Variants in C4BPB observed in about 807,000 individuals in gnomAD.
C4BPB encodes the protein complement component 4 binding protein beta, also known as C4b-binding protein beta chain.
Under a neutral mutation model 26.6 loss-of-function variants are expected in C4BPB, and 19 were observed. The observed-to-expected ratio is 0.71, with a 90% CI of 0.50 to 1.05. The LOEUF is 1.05. Ranked by LOEUF, C4BPB falls within the 50% of genes least tolerant of loss-of-function variation. The pLI is 0.00. For synonymous variants in C4BPB, 118 were observed against 103.5 expected (o/e 1.14, Z -0.85); for missense variants, 282 against 302.9 (o/e 0.93, Z 0.51).
intron 4 of C4BPB, 76 bp from the exon 5 acceptor site, chr1:207,096,446 C>T: frequency 1.2e-6 from 1 of 869,026 alleles, no homozygotes; most frequent in East Asian, 2.4e-5. Context: ...CTGGCATAAA[C>T]AGCTGCAATT....
intron 4 of C4BPB, among the ~76,000 whole-genome samples, chr1:207,092,348 G>A (rs1323670609): frequency 1.3e-5 from 2 of 151,986 alleles, no homozygotes; most frequent in Admixed American, 1.3e-4. Context: ...AGCATTAAAT[G>A]CCATTTTGTG....
At chr1:207,095,422 C>T in intron 4 of C4BPB, 2 of 456,552 alleles carry the variant, frequency 4.4e-6, no homozygotes, top group South Asian at 1.5e-5. Context: ...CCTCCACCTC[C>T]CAGGTTCAAG....
At chr1:207,096,498 G>A in intron 4 of C4BPB, 24 bp from the exon 5 acceptor site, 1 of 1,434,748 alleles carries the variant, frequency 7.0e-7, no homozygotes, top group Non-Finnish European at 9.8e-7. Context: ...TCATAACTAT[G>A]ACTTCTATAC....
At chr1:207,095,170 A>C (rs1317730041) in intron 4 of C4BPB, 2 of 401,196 alleles carry the variant, frequency 5.0e-6, no homozygotes, top group Admixed American at 5.8e-5. Context: ...TAACCTGCTT[A>C]TCTGATAATA....
chr1:207,090,318 T>C lies in C4BPB; in HGVS notation c.69T>C (p.Cys23=), dbSNP rs1269243636. Residue 23 remains cysteine (C), a synonymous_variant, in exon 3 of 7, where the codon TGT becomes TGC. Coordinates refer to ENST00000367078, the MANE Select transcript of C4BPB (RefSeq NM_001017365.3). ...WRVSASDAEH[C]PELPPVDNSI... is the part of the protein sequence containing the mutation. The stretch of plus-strand genomic sequence containing the variant: ...TCTTTTTTCTTCCAGCAGAGCACTG[T>C]CCAGAGCTTCCTCCAGTGGACAATA... The C allele has an allele frequency of 1.2e-6, 2 of 1,612,606 alleles. No homozygotes were observed. Among genetic ancestry groups the C allele is most frequent in the Admixed American group, 1.7e-5 (1 of 59,846 alleles).
rs771573856 is a variant in C4BPB at position 207,090,478 on chromosome 1, C to T, written c.229C>T (p.Arg77Cys). 12 of 1,605,010 alleles carry T rather than the reference C, an allele frequency of 7.5e-6. No homozygotes were observed. Among genetic ancestry groups the T allele is most frequent in the South Asian group, 5.6e-5 (5 of 89,764 alleles). Residue 77 changes from arginine to cysteine, a missense_variant, in exon 3 of 7, where the codon CGC (arginine) becomes TGC (cysteine). Physicochemically the swap from Arg to Cys is radical, Grantham distance 180. Coordinates refer to ENST00000367078, the MANE Select transcript of C4BPB (RefSeq NM_001017365.3). ...GTGGGATAACACCACTACTGAGTGCCGCTGTAAGTTAGATCTTTCTGTATC... is the reference window on the plus strand; with the variant it reads ...GTGGGATAACACCACTACTGAGTGCTGCTGTAAGTTAGATCTTTCTGTATC... ...KEWDNTTTEC[R>C]LGHCPDPVLV...
At chr1:207,090,822 C>T (rs73077096) in intron 3 of C4BPB, among the ~76,000 whole-genome samples, 42 of 152,110 alleles carry the variant, frequency 2.8e-4, no homozygotes, top group Admixed American at 1.2e-3. Flanking sequence ...TGTATACAAA[C>T]GACAGAAGAG....
chr1:207,095,219 C>T, intron 4 of C4BPB: 1 of 449,674 alleles, frequency 2.2e-6, no homozygotes, highest in Admixed American at 2.4e-5. Flanking sequence ...GGCTTTAGTG[C>T]TACATAGCTA....
rs1558081583 is a variant in C4BPB at position 207,099,875 on chromosome 1, G to T, written c.705G>T (p.Glu235Asp). The T allele has an allele frequency of 6.2e-7, 1 of 1,613,940 alleles. No individual in the cohort carries two copies. ...QLKESGMTME[E>D]LKYSLELKKA... is the part of the protein sequence containing the mutation. ...AGGAAAGTGGCATGACAATGGAGGA[G>T]CTAAAATATTCTCTGGAGCTGAAGA... Residue 235 changes from glutamate to aspartate, a missense_variant, in exon 7 of 7, where the codon GAG (glutamate) becomes GAT (aspartate). Coordinates refer to ENST00000367078, the MANE Select transcript of C4BPB (RefSeq NM_001017365.3).
chr1:207,091,940 C>G (rs1481840873), intron 4 of C4BPB, 120 bp downstream of exon 4: 13 of 810,212 alleles, frequency 1.6e-5, no homozygotes, highest in Non-Finnish European at 2.4e-5. Flanking sequence ...GGCTTAAGAT[C>G]TAGCAGACAG....
intron 4 of C4BPB, chr1:207,095,687 C>T (rs1458049126): frequency 3.0e-6 from 1 of 335,812 alleles, no homozygotes; most frequent in Non-Finnish European, 5.8e-6. Context: ...CTGCTCAAAT[C>T]TCATATTGAA....
chr1:207,099,645 C>A, intron 6 of C4BPB, 144 bp from the exon 7 acceptor site: 1 of 543,194 alleles, frequency 1.8e-6, no homozygotes, highest in Non-Finnish European at 3.3e-6. Flanking sequence ...AAATGATTTG[C>A]CATGTTGAAA....
chr1:207,095,666 G>T (rs936269574), intron 4 of C4BPB: 27 of 341,606 alleles, frequency 7.9e-5, no homozygotes, highest in South Asian at 5.6e-4. Context: ...ATATAGTTTG[G>T]ATGTGTGTTC....
At position 207,096,574 on chromosome 1, in the gene C4BPB, C is replaced by T. The variant is rs8942; in HGVS notation, c.462C>T (p.Asn154=). Reference sequence around the variant, plus strand: ...TTCATGGCTATTTTGAAGGAAATAACTTCACCTTAGGATCCACCATTAGTT... The same window carrying T: ...TTCATGGCTATTTTGAAGGAAATAATTTCACCTTAGGATCCACCATTAGTT... ...NPVHGYFEGN[N]FTLGSTISYY... The change falls in exon 5 of 7, where the codon AAC becomes AAT. Residue 154 remains asparagine, a synonymous_variant. Coordinates refer to ENST00000367078, the MANE Select transcript of C4BPB (RefSeq NM_001017365.3). The T allele has an allele frequency of 0.21, 330,099 of 1,600,706 alleles. 49,889 individuals are homozygous for T. Among genetic ancestry groups the T allele is most frequent in the African/African-American group, 0.79 (58,938 of 74,202 alleles).
Position 207,096,944 on chromosome 1 carries a change from G to A in C4BPB, c.503+329G>A, listed in dbSNP as rs189055332. Among the ~76,000 whole-genome samples the A allele has an allele frequency of 5.2e-3, 797 of 152,308 alleles. 7 individuals carry two copies. The highest frequency in any genetic ancestry group is 0.018 in the African/African-American group (765 of 41,568). On this transcript the variant is annotated intron_variant, in intron 5 of 6. Coordinates refer to ENST00000367078, the MANE Select transcript of C4BPB (RefSeq NM_001017365.3). ...CCCAGCACTTTGGGATGCTAAGGCAGGCGGTTTGCTTGAGGCCAGGAGATC... is the reference window on the plus strand; with the variant it reads ...CCCAGCACTTTGGGATGCTAAGGCAAGCGGTTTGCTTGAGGCCAGGAGATC...
In C4BPB at chr1:207,098,591, G is replaced by A. The variant is rs535917502; in HGVS notation, c.618+327G>A. ...TATCATGGAAGATGACTTTTCCACG[G>A]ATGGGGGTGGGGAGAGTGGGGATGG... is the stretch of plus-strand genomic sequence containing the variant. On this transcript the variant is annotated intron_variant, in intron 6 of 6. Coordinates refer to ENST00000367078, the MANE Select transcript of C4BPB (RefSeq NM_001017365.3). 6.6e-5 allele frequency among the ~76,000 whole-genome samples: 10 copies of A among 152,296 alleles called. No homozygotes were observed. In the East Asian group the frequency reaches 1.9e-3, roughly 29 times the overall value.
intron 6 of C4BPB, among the ~76,000 whole-genome samples, chr1:207,098,580 A>G (rs1684348152): frequency 6.6e-6 from 1 of 152,122 alleles, no homozygotes; most frequent in South Asian, 2.1e-4. Flanking sequence ...ATGGAAGATG[A>G]CTTTTCCACG....
chr1:207,096,397 C>T (rs1309804376), intron 4 of C4BPB, 125 bp from the exon 5 acceptor site: 1 of 698,350 alleles, frequency 1.4e-6, no homozygotes, highest in Non-Finnish European at 2.6e-6. Flanking sequence ...GTGAGGATGT[C>T]AGGTGCTGGC....
intron 4 of C4BPB, chr1:207,095,271 ATC>A: frequency 2.2e-6 from 1 of 456,602 alleles, no homozygotes; most frequent in Non-Finnish European, 4.4e-6. Flanking sequence ...CTAACACGTC[ATC>A]CTGCTTTCTT....
Sources: allele counts gnomAD v4.1 joint callset (sites outside exome capture counted in the v4.1 genomes callset), GRCh38; gene constraint gnomAD v4.1.1; transcripts MANE v1.5; gene names NCBI Gene and HGNC (gene_info 2026-07-23, HGNC 2026-07-21).